B3GNT2: variants seen among roughly 807,000 people sequenced by gnomAD.
The protein encoded by B3GNT2 is N-acetyllactosaminide beta-1,3-N-acetylglucosaminyltransferase 2.
Under a neutral mutation model 27.6 loss-of-function variants are expected in B3GNT2, and 12 were observed. The ratio of observed to expected loss-of-function variants is 0.44; its 90% CI spans 0.28 to 0.71. The LOEUF (loss-of-function observed/expected upper bound fraction) is 0.71, where lower values mean the gene tolerates loss of function less well. Ranked by LOEUF, B3GNT2 falls within the 30% of genes least tolerant of loss-of-function variation. The probability of loss-of-function intolerance (pLI) is 0.17; values close to 1 mark genes in which losing one functional copy is unlikely to be tolerated. For missense variants in B3GNT2, 413 were observed against 488.5 expected (o/e 0.85, Z 1.46); for synonymous variants, 192 against 189.7 (o/e 1.01, Z -0.10).
intron 1 of B3GNT2, among the ~76,000 whole-genome samples, chr2:62,208,583 T>C (rs947241625): frequency 2.0e-5 from 3 of 152,052 alleles, no homozygotes; most frequent in Non-Finnish European, 2.9e-5. Context: ...AGGATACTTA[T>C]GGAGAAGAGG....
chr2:62,216,402 CTTTTTTTTTG>C (rs1199117968), intron 1 of B3GNT2, among the ~76,000 whole-genome samples: 5 of 134,876 alleles, frequency 3.7e-5, no homozygotes, highest in African/African-American at 1.7e-4. Flanking sequence ...TCTGATTTTT[CTTTTTTTTTG>C]TTTTTTTTAA....
Position 62,222,148 on chromosome 2 carries a change from T to C in B3GNT2, c.-9-64T>C. The C allele has an allele frequency of 7.2e-7, 1 of 1,388,046 alleles. No individual in the cohort carries two copies. The highest frequency in any genetic ancestry group is 9.8e-7 in the Non-Finnish European group (1 of 1,018,974). The allele number at this position is 1,388,046 out of a possible 1,614,324, so 86.0% of individuals were successfully genotyped here. On this transcript the variant is annotated intron_variant, in intron 1 of 1. Transcript: ENST00000301998. The surrounding 1 kb of genome is among the most constrained non-coding windows in gnomAD (Gnocchi z 4.2). ...ACTATTCCTGGGGAGACAGGTAAAATAAATTGTATGTGCAAATGCAAATTG... is the reference window on the plus strand; with the variant it reads ...ACTATTCCTGGGGAGACAGGTAAAACAAATTGTATGTGCAAATGCAAATTG...
chr2:62,221,502 G>C (rs1259935309), intron 1 of B3GNT2, among the ~76,000 whole-genome samples: 1 of 152,010 alleles, frequency 6.6e-6, no homozygotes, highest in East Asian at 1.9e-4. Context: ...ACTCAGGGTT[G>C]GGACTAACAT....
intron 1 of B3GNT2, among the ~76,000 whole-genome samples, chr2:62,217,461 A>G (rs938273735): frequency 6.6e-6 from 1 of 152,174 alleles, no homozygotes; most frequent in Non-Finnish European, 1.5e-5. Context: ...CTTGGTACAT[A>G]TTTGTTAAGG....
chr2:62,204,327 G>C (rs979902302), intron 1 of B3GNT2, among the ~76,000 whole-genome samples: 3 of 152,170 alleles, frequency 2.0e-5, no homozygotes, highest in African/African-American at 7.2e-5. Flanking sequence ...TATTTTCTTT[G>C]AGAAGCACTT....
intron 1 of B3GNT2, among the ~76,000 whole-genome samples, chr2:62,196,725 C>T (rs1361154853): frequency 6.6e-6 from 1 of 152,176 alleles, no homozygotes; most frequent in Non-Finnish European, 1.5e-5. Flanking sequence ...ACCCCAACTT[C>T]CGGGGGATCC....
At chr2:62,213,671 G>A (rs922369151) in intron 1 of B3GNT2, among the ~76,000 whole-genome samples, 1 of 152,128 alleles carries the variant, frequency 6.6e-6, no homozygotes, top group African/African-American at 2.4e-5. Flanking sequence ...CGTCTAACAT[G>A]GAGTCAGCAC....
At chr2:62,203,617 G>T (rs1428141568) in intron 1 of B3GNT2, among the ~76,000 whole-genome samples, 1 of 152,110 alleles carries the variant, frequency 6.6e-6, no homozygotes, top group Non-Finnish European at 1.5e-5. Context: ...AGGTGAGGGG[G>T]ATTGGGAGGG....
intron 1 of B3GNT2, among the ~76,000 whole-genome samples, chr2:62,200,360 T>C (rs1674243290): frequency 6.6e-6 from 1 of 152,242 alleles, no homozygotes; most frequent in Non-Finnish European, 1.5e-5. Context: ...TGATACTTTC[T>C]ACTTTTCATT....
chr2:62,203,373 G>A (rs988073080), intron 1 of B3GNT2, among the ~76,000 whole-genome samples: 12 of 152,258 alleles, frequency 7.9e-5, no homozygotes, highest in Admixed American at 7.8e-4. Context: ...GGATATGGGA[G>A]TCTGTAGTGA....
chr2:62,220,940 A>G (rs1355238356), intron 1 of B3GNT2, among the ~76,000 whole-genome samples: 1 of 152,130 alleles, frequency 6.6e-6, no homozygotes, highest in Non-Finnish European at 1.5e-5. Context: ...AAATCTTTTG[A>G]TATTTCACTA....
Position 62,222,927 on chromosome 2 carries a change from C to T in B3GNT2, c.707C>T (p.Pro236Leu), listed in dbSNP as rs1674747593. ...LFLRWVSTSC[P>L]DTEFVFKGDD... ...CTCAGGTGGGTAAGTACTTCCTGCC[C>T]AGACACTGAGTTTGTTTTCAAGGGC... The change falls in exon 2 of 2, where the codon CCA becomes CTA. Residue 236 changes from proline to leucine, a missense_variant. By Grantham distance (98) the Pro-to-Leu change is moderately conservative. Coordinates refer to ENST00000301998, the MANE Select transcript of B3GNT2 (RefSeq NM_006577.6). This position sits in a 1 kb window ranked among gnomAD's most constrained non-coding sequence, Gnocchi z 4.2. 6.2e-7 allele frequency: 1 copy of T among 1,614,162 alleles called. No individual in the cohort carries two copies. Among genetic ancestry groups the T allele is most frequent in the Non-Finnish European group, 8.5e-7 (1 of 1,180,026 alleles).
At chr2:62,200,508 C>T (rs1255835697) in intron 1 of B3GNT2, among the ~76,000 whole-genome samples, 1 of 152,096 alleles carries the variant, frequency 6.6e-6, no homozygotes, top group East Asian at 1.9e-4. Context: ...TGTCCGAGTG[C>T]CATGTGGTGG....
chr2:62,198,747 G>C (rs1459266208), intron 1 of B3GNT2, among the ~76,000 whole-genome samples: 1 of 152,118 alleles, frequency 6.6e-6, no homozygotes, highest in Non-Finnish European at 1.5e-5. Context: ...AAATAGGAAA[G>C]TAGAACTGAT....
At chr2:62,197,621 G>A (rs1282439540) in intron 1 of B3GNT2, among the ~76,000 whole-genome samples, 1 of 152,222 alleles carries the variant, frequency 6.6e-6, no homozygotes, top group Non-Finnish European at 1.5e-5. Context: ...ATATCCGATA[G>A]CGAAGCCAGT....
In B3GNT2 at chr2:62,223,464, C is replaced by T. The variant is rs1674763201; in HGVS notation, c.*50C>T. 1 of 1,432,080 alleles carries T rather than the reference C, an allele frequency of 7.0e-7. No homozygotes were observed. Among genetic ancestry groups the T allele is most frequent in the African/African-American group, 1.4e-5 (1 of 69,854 alleles). The allele number at this position is 1,432,080 out of a possible 1,614,324, so 88.7% of individuals were successfully genotyped here. ...TAGAAAGGTGTATTTTGAATAGTTC[C>T]CATGTTGTGTTCTCACATTAGAGTA... On this transcript the variant is annotated 3_prime_UTR_variant, in exon 2 of 2. Coordinates refer to ENST00000301998, the MANE Select transcript of B3GNT2 (RefSeq NM_006577.6).
rs1332544216 is a variant in B3GNT2 at position 62,222,322 on chromosome 2, A to G, written c.102A>G (p.Glu34=). The G allele has an allele frequency of 6.8e-6, 11 of 1,614,060 alleles. No individual in the cohort carries two copies. The highest frequency in any genetic ancestry group is 1.7e-5 in the Admixed American group (1 of 60,000). ...IMEVSKSSSQ[E]KNGKGEVIIP... ...AAGTCTCCAAAAGCAGTAGCCAAGA[A>G]AAAAATGGAAAAGGGGAAGTAATAA... The change falls in exon 2 of 2, where the codon GAA becomes GAG. Residue 34 remains glutamate (E), a synonymous_variant. Coordinates refer to ENST00000301998, the MANE Select transcript of B3GNT2 (RefSeq NM_006577.6). This position sits in a 1 kb window ranked among gnomAD's most constrained non-coding sequence, Gnocchi z 4.2.
At chr2:62,203,734 C>T (rs1183766322) in intron 1 of B3GNT2, among the ~76,000 whole-genome samples, 1 of 152,020 alleles carries the variant, frequency 6.6e-6, no homozygotes, top group African/African-American at 2.4e-5. Context: ...GTGCAAGACC[C>T]CAGAAGCAGC....
intron 1 of B3GNT2, among the ~76,000 whole-genome samples, chr2:62,218,519 G>T (rs911261151): frequency 5.3e-5 from 8 of 152,088 alleles, no homozygotes; most frequent in African/African-American, 1.9e-4. Context: ...TCTTTCTTTG[G>T]AGCCTCTTTA....
Sources: gnomAD v4.1 joint callset for allele counts (sites outside exome capture counted in the v4.1 genomes callset) on GRCh38, gnomAD v4.1.1 for gene constraint, Gnocchi (gnomAD v3.1) non-coding constraint, MANE v1.5 for transcripts, NCBI Gene and HGNC (gene_info 2026-07-23, HGNC 2026-07-21) for gene names.